PAIP2: variants seen among roughly 807,000 people sequenced by gnomAD.
PAIP2 encodes polyadenylate-binding protein-interacting protein 2.
Under a neutral mutation model 14.8 loss-of-function variants are expected in PAIP2, and 7 were observed. The observed-to-expected ratio is 0.47, with a 90% confidence interval of 0.27 to 0.89. The LOEUF (loss-of-function observed/expected upper bound fraction) is 0.89. PAIP2 is among the 40% of genes least tolerant of loss of function. PAIP2 has a pLI of 0.13. For missense variants in PAIP2, 122 were observed against 154.7 expected (o/e 0.79, Z 1.12); for synonymous variants, 47 against 45.3 (o/e 1.04, Z -0.15).
intron 1 of PAIP2, among the ~76,000 whole-genome samples, chr5:139,355,555 C>CT (rs1756883419): frequency 6.6e-6 from 1 of 152,116 alleles, no homozygotes. Context: ...TCCTTTAGCT[C>CT]TTTTAACATA....
chr5:139,356,744 A>G (rs574331316), intron 1 of PAIP2, among the ~76,000 whole-genome samples: 137 of 151,874 alleles, frequency 9.0e-4, no homozygotes, highest in African/African-American at 3.2e-3. Context: ...AAAATTAGCC[A>G]GGTGTGCTGG....
At chr5:139,350,713 CAAA>C (rs551022113) in intron 1 of PAIP2, among the ~76,000 whole-genome samples, 1 of 147,770 alleles carries the variant, frequency 6.8e-6, no homozygotes, top group African/African-American at 2.5e-5. Flanking sequence ...AATGGTTAAG[CAAA>C]AAAAAAGAAG....
At chr5:139,356,478 C>T (rs1464779347) in intron 1 of PAIP2, among the ~76,000 whole-genome samples, 1 of 151,968 alleles carries the variant, frequency 6.6e-6, no homozygotes, top group Non-Finnish European at 1.5e-5. Flanking sequence ...AGTCTTTGTC[C>T]AATGTAATAT....
At chr5:139,366,097 G>A (rs574462124) in intron 3 of PAIP2, among the ~76,000 whole-genome samples, 43 of 152,060 alleles carry the variant, frequency 2.8e-4, no homozygotes, top group African/African-American at 1.0e-3. Flanking sequence ...CAGCTACCTG[G>A]GAGGCTAAGG....
intron 1 of PAIP2, among the ~76,000 whole-genome samples, chr5:139,351,046 G>A (rs1278423354): frequency 6.6e-6 from 1 of 152,020 alleles, no homozygotes; most frequent in African/African-American, 2.4e-5. Context: ...TCTCAATGTG[G>A]GAAAAGACTT....
rs139111237 is a variant in PAIP2 at position 139,363,389 on chromosome 5, C to T, written c.-26-370C>T. 1.1e-4 allele frequency among the ~76,000 whole-genome samples: 17 copies of T among 152,226 alleles called. No homozygotes were observed. In the East Asian group the frequency reaches 3.3e-3, roughly 29 times the overall value. On this transcript the variant is annotated intron_variant, in intron 1 of 3. Coordinates refer to ENST00000265192, the MANE Select transcript of PAIP2 (RefSeq NM_016480.5). ...GTATCATCTGCCTCTAACACCTATT[C>T]ATGATGCCTGCTAATAATAAACAGA...
At chr5:139,363,663 A>T in intron 1 of PAIP2, 96 bp from the exon 2 acceptor site, 1 of 1,066,140 alleles carries the variant, frequency 9.4e-7, no homozygotes, top group Non-Finnish European at 1.4e-6. Context: ...TGATCACACC[A>T]TTGCACTCCA....
intron 1 of PAIP2, among the ~76,000 whole-genome samples, chr5:139,357,149 G>A (rs1314443693): frequency 6.6e-6 from 1 of 152,090 alleles, no homozygotes; most frequent in Non-Finnish European, 1.5e-5. Context: ...TGGTATATGG[G>A]TCCTATGGAT....
intron 1 of PAIP2, among the ~76,000 whole-genome samples, 189 bp downstream of exon 1, chr5:139,342,169 C>T (rs1261573857): frequency 6.6e-6 from 1 of 152,172 alleles, no homozygotes; most frequent in Non-Finnish European, 1.5e-5. Flanking sequence ...TCTCTGTCTT[C>T]TCCGAGACAT....
At chr5:139,368,667 A>T (rs775427599) in intron 3 of PAIP2, 66 bp from the exon 4 acceptor site, 21 of 1,047,722 alleles carry the variant, frequency 2.0e-5, no homozygotes, top group African/African-American at 7.9e-5. Context: ...TTGCATGAGG[A>T]TCTAGATTGA....
intron 1 of PAIP2, among the ~76,000 whole-genome samples, chr5:139,355,094 G>A (rs1192963921): frequency 7.3e-5 from 11 of 151,258 alleles, no homozygotes; most frequent in African/African-American, 2.2e-4. Context: ...CCAAAGTGCT[G>A]GGATTACAAG....
intron 1 of PAIP2, among the ~76,000 whole-genome samples, chr5:139,354,965 A>G (rs927989688): frequency 5.9e-5 from 9 of 151,444 alleles, no homozygotes; most frequent in African/African-American, 2.2e-4. Flanking sequence ...GACTACAGGC[A>G]CGTGCTACCA....
intron 3 of PAIP2, 29 bp downstream of exon 3, chr5:139,364,772 A>G: frequency 2.1e-6 from 3 of 1,448,284 alleles, no homozygotes; most frequent in Non-Finnish European, 2.9e-6. Flanking sequence ...TCTTTTTAAA[A>G]CCTAGTGCAT....
chr5:139,364,809 C>T, intron 3 of PAIP2, 66 bp downstream of exon 3: 3 of 1,056,034 alleles, frequency 2.8e-6, no homozygotes, highest in Non-Finnish European at 4.2e-6. Context: ...AAAGCCAGCT[C>T]CCATCTATTT....
At chr5:139,357,844 T>C (rs1756960026) in intron 1 of PAIP2, among the ~76,000 whole-genome samples, 1 of 152,006 alleles carries the variant, frequency 6.6e-6, no homozygotes, top group Admixed American at 6.6e-5. Flanking sequence ...AAAATAAAAA[T>C]AATATTGATA....
chr5:139,360,754 C>T (rs540036027), intron 1 of PAIP2, among the ~76,000 whole-genome samples: 5 of 151,552 alleles, frequency 3.3e-5, no homozygotes, highest in African/African-American at 1.2e-4. Flanking sequence ...TGAGCCGCAC[C>T]CAGTTTGTTT....
chr5:139,364,143 CAGG>C (rs1298095345), intron 2 of PAIP2: 4 of 527,424 alleles, frequency 7.6e-6, no homozygotes, highest in Non-Finnish European at 1.3e-5. Flanking sequence ...ATGTCTGAAT[CAGG>C]AGGATGAGGG....
intron 3 of PAIP2, among the ~76,000 whole-genome samples, chr5:139,366,643 G>C (rs1757265659): frequency 6.6e-6 from 1 of 152,176 alleles, no homozygotes; most frequent in African/African-American, 2.4e-5. Context: ...TCTTGGCTGA[G>C]CATAATGTAT....
intron 3 of PAIP2, among the ~76,000 whole-genome samples, chr5:139,366,601 A>G (rs957977881): frequency 1.3e-5 from 2 of 152,238 alleles, no homozygotes; most frequent in Non-Finnish European, 2.9e-5. Context: ...ATTAGTCACC[A>G]TAAATAATCC....
Sources: allele counts gnomAD v4.1 joint callset (sites outside exome capture counted in the v4.1 genomes callset), GRCh38; gene constraint gnomAD v4.1.1; transcripts MANE v1.5; gene names NCBI Gene and HGNC (gene_info 2026-07-23, HGNC 2026-07-21).